The following DNAJC5G variants were observed in gnomAD, a reference collection of about 807,000 sequenced individuals.
The protein encoded by DNAJC5G is DnaJ heat shock protein family (Hsp40) member C5 gamma.
Under a neutral mutation model 19.1 loss-of-function variants are expected in DNAJC5G, and 13 were observed. That is an observed-to-expected ratio of 0.68 (90% CI 0.44 to 1.08). The LOEUF (loss-of-function observed/expected upper bound fraction) is 1.08. Among genes scored for constraint, DNAJC5G ranks in the 50% least tolerant of loss-of-function variants. The pLI, the probability that DNAJC5G is intolerant of heterozygous loss-of-function variation, is 0.00. For synonymous variants in DNAJC5G, 81 were observed against 84.4 expected (o/e 0.96, Z 0.22); for missense variants, 245 against 230.4 (o/e 1.06, Z -0.41).
At position 27,276,717 on chromosome 2, in the gene DNAJC5G, C is replaced by T; in HGVS notation, c.-3-9C>T. The T allele has an allele frequency of 6.2e-7, 1 of 1,611,810 alleles. No individual in the cohort carries two copies. The highest frequency in any genetic ancestry group is 1.3e-5 in the African/African-American group (1 of 74,896). On this transcript the variant is annotated splice_polypyrimidine_tract_variant and intron_variant, in intron 2 of 6. Coordinates refer to ENST00000296097, the MANE Select transcript of DNAJC5G (RefSeq NM_173650.3). Reference sequence around the variant, plus strand: ...AGTTCTCACAGATGCTGCTTCTCCTCTGGCTCAGATCATGTCTACTGTGAA... The same window carrying T: ...AGTTCTCACAGATGCTGCTTCTCCTTTGGCTCAGATCATGTCTACTGTGAA...
In DNAJC5G at chr2:27,277,825, C is replaced by T; in HGVS notation, c.185C>T (p.Pro62Leu). ...LGRKLALRYH[P>L]DKNPGNAQAA... ...AGGAAACTGGCCTTGCGGTATCATC[C>T]CGACAAGAATCCAGGGAATGCTCAA... Residue 62 changes from proline to leucine, a missense_variant, in exon 4 of 7, where the codon CCC (proline) becomes CTC (leucine). Coordinates refer to ENST00000296097, the MANE Select transcript of DNAJC5G (RefSeq NM_173650.3). 1.2e-6 allele frequency: 2 copies of T among 1,614,158 alleles called. No homozygotes were observed. The highest frequency in any genetic ancestry group is 1.7e-6 in the Non-Finnish European group (2 of 1,180,030).
In DNAJC5G at chr2:27,276,714, C is replaced by T. The variant is rs770823287; in HGVS notation, c.-3-12C>T. 5 of 1,610,948 alleles carry T rather than the reference C, an allele frequency of 3.1e-6. No individual in the cohort carries two copies. The highest frequency in any genetic ancestry group is 2.2e-5 in the East Asian group (1 of 44,862). On this transcript the variant is annotated splice_polypyrimidine_tract_variant and intron_variant, in intron 2 of 6. Coordinates refer to ENST00000296097, the MANE Select transcript of DNAJC5G (RefSeq NM_173650.3). ...AGAAGTTCTCACAGATGCTGCTTCT[C>T]CTCTGGCTCAGATCATGTCTACTGT... is the stretch of plus-strand genomic sequence containing the variant.
Position 27,276,910 on chromosome 2 carries a change from T to C in DNAJC5G, c.113+69T>C. On this transcript the variant is annotated intron_variant, in intron 3 of 6. Coordinates refer to ENST00000296097, the MANE Select transcript of DNAJC5G (RefSeq NM_173650.3). ...AAACCTTTTTCTTTCTGTATCTCTT[T>C]TGCTATCTGACTCTTTTTTTTTTTT... is the stretch of plus-strand genomic sequence containing the variant. 4 of 1,280,856 alleles carry C rather than the reference T, an allele frequency of 3.1e-6. No individual in the cohort carries two copies. The South Asian group carries it at 5.7e-5, about 18-fold the overall frequency. The allele number at this position is 1,280,856 out of a possible 1,614,324, so 79.3% of individuals were successfully genotyped here.
chr2:27,277,539 G>A (rs188126002), intron 3 of DNAJC5G, among the ~76,000 whole-genome samples: 59 of 152,320 alleles, frequency 3.9e-4, no homozygotes, highest in Middle Eastern at 3.4e-3. Context: ...TGGGATTACA[G>A]GTGTGAGCCA....
At chr2:27,280,278 A>C in intron 6 of DNAJC5G, 45 bp downstream of exon 6, 1 of 1,525,128 alleles carries the variant, frequency 6.6e-7, no homozygotes, top group South Asian at 1.1e-5. Flanking sequence ...TAAGAAAAGC[A>C]TGTAAGCTAA....
intron 6 of DNAJC5G, 80 bp downstream of exon 6, chr2:27,280,313 G>A (rs991072216): frequency 2.1e-5 from 25 of 1,199,334 alleles, no homozygotes; most frequent in Admixed American, 1.9e-4. Context: ...TTAGTAGAAA[G>A]TTTACATCCT....
chr2:27,280,122 A>C (rs1470258613), intron 5 of DNAJC5G, 44 bp from the exon 6 acceptor site: 1 of 1,587,212 alleles, frequency 6.3e-7, no homozygotes, highest in African/African-American at 1.3e-5. Flanking sequence ...ACGAAAAGTT[A>C]CTAAACGTTT....
At chr2:27,279,242 G>A (rs1187658991) in intron 5 of DNAJC5G, among the ~76,000 whole-genome samples, 1 of 152,076 alleles carries the variant, frequency 6.6e-6, no homozygotes, top group African/African-American at 2.4e-5. Context: ...TGTCTAGAGA[G>A]GACAGTTAGG....
At chr2:27,276,909 T>C in intron 3 of DNAJC5G, 68 bp downstream of exon 3, 1 of 1,298,176 alleles carries the variant, frequency 7.7e-7, no homozygotes, top group Non-Finnish European at 1.1e-6. Flanking sequence ...CTGTATCTCT[T>C]TTGCTATCTG....
chr2:27,278,307 T>C lies in DNAJC5G; in HGVS notation c.495T>C (p.Asn165=), dbSNP rs1212170271. The change falls in exon 5 of 7, where the codon AAT becomes AAC. Residue 165 remains asparagine (N), a synonymous_variant. Transcript: ENST00000296097. ...ATAGTGGGAGAAAATATCAGCAGAA[T>C]GTCCAGAGTCAGCCTCCAAGGTCAG... ...EQDSGRKYQQ[N]VQSQPPRSGA... 1.2e-6 allele frequency: 2 copies of C among 1,614,154 alleles called. No individual in the cohort carries two copies. Among genetic ancestry groups the C allele is most frequent in the Admixed American group, 3.3e-5 (2 of 60,014 alleles).
intron 3 of DNAJC5G, 77 bp from the exon 4 acceptor site, chr2:27,277,677 T>C: frequency 6.4e-7 from 1 of 1,565,972 alleles, no homozygotes; most frequent in South Asian, 1.2e-5. Context: ...CTCCATCCTT[T>C]GTACCACATC....
intron 3 of DNAJC5G, among the ~76,000 whole-genome samples, chr2:27,277,418 A>G (rs1294521315): frequency 6.6e-6 from 1 of 150,686 alleles, no homozygotes; most frequent in Non-Finnish European, 1.5e-5. Context: ...GCCTGCCACT[A>G]TGCCCAGCTA....
intron 5 of DNAJC5G, 142 bp from the exon 6 acceptor site, chr2:27,280,024 C>CT: frequency 2.9e-6 from 2 of 701,128 alleles, no homozygotes; most frequent in Non-Finnish European, 4.9e-6. Context: ...CCCAAATGAA[C>CT]TTTTATAAGC....
chr2:27,277,042 A>G (rs866765135), intron 3 of DNAJC5G, among the ~76,000 whole-genome samples: 13 of 151,740 alleles, frequency 8.6e-5, no homozygotes, highest in African/African-American at 2.4e-4. Flanking sequence ...CCCAGGTTCA[A>G]GCAATTCTCT....
Position 27,277,911 on chromosome 2 carries a change from C to T in DNAJC5G, c.271C>T (p.Arg91Trp), listed in dbSNP as rs770624109. The change falls in exon 4 of 7, where the codon CGG becomes TGG. Residue 91 changes from arginine (R) to tryptophan (W), a missense_variant. Transcript: ENST00000296097. ...TGCCATACTGAGCGACTCTAAGAAG[C>T]GGAAAATTTACGACCAGCATGGCTC... ...AHAILSDSKK[R>W]KIYDQHGSLG... 34 of 1,614,142 alleles carry T rather than the reference C, an allele frequency of 2.1e-5. No individual in the cohort carries two copies. The highest frequency in any genetic ancestry group is 4.4e-5 in the South Asian group (4 of 91,068).
intron 3 of DNAJC5G, among the ~76,000 whole-genome samples, chr2:27,277,123 G>A (rs904620910): frequency 2.0e-5 from 3 of 152,152 alleles, no homozygotes; most frequent in Non-Finnish European, 2.9e-5. Flanking sequence ...TGTATTTTTA[G>A]TAGAGACAGG....
Position 27,280,211 on chromosome 2 carries a change from T to C in DNAJC5G, c.566T>C (p.Phe189Ser). Residue 189 changes from phenylalanine to serine, a missense_variant, in exon 6 of 7, where the codon TTT becomes TCT. Coordinates refer to ENST00000296097, the MANE Select transcript of DNAJC5G (RefSeq NM_173650.3). ...AGCGAGGAAAATAGCGAAGATGATT[T>C]TTAAGAGATGAAGAAGGATGAGGTA... ...FRSEENSEDD[F>S] 1 of 1,614,066 alleles carries C rather than the reference T, an allele frequency of 6.2e-7. No individual in the cohort carries two copies. The highest frequency in any genetic ancestry group is 8.5e-7 in the Non-Finnish European group (1 of 1,179,976).
At position 27,275,449 on chromosome 2, in the gene DNAJC5G, T is replaced by C. The variant is rs982710084; in HGVS notation, c.-390T>C. The C allele has an allele frequency of 1.4e-5, 5 of 352,250 alleles. No homozygotes were observed. The highest frequency in any genetic ancestry group is 4.3e-5 in the African/African-American group (2 of 46,712). 21.8% of individuals were successfully genotyped at this position (352,250 alleles called of 1,614,324 possible). A position where few individuals can be genotyped will look rare whatever the true frequency, so the allele number is the denominator to read the frequency against. ...AAACGACCTGCCCAGACCCTCAGCGTCGACGCTGCGCACAAGCGCAGTCAA... is the reference window on the plus strand; with the variant it reads ...AAACGACCTGCCCAGACCCTCAGCGCCGACGCTGCGCACAAGCGCAGTCAA... On this transcript the variant is annotated 5_prime_UTR_variant, in exon 1 of 7. Coordinates refer to ENST00000296097, the MANE Select transcript of DNAJC5G (RefSeq NM_173650.3).
At chr2:27,275,976 G>A (rs72817538) in intron 1 of DNAJC5G, 130 bp from the exon 2 acceptor site, 10,240 of 151,468 alleles carry the variant, frequency 0.068, 413 homozygotes, top group Non-Finnish European at 0.098. Context: ...GCTGTGGATC[G>A]GCGAGGCTCA....
Sources: gnomAD v4.1 joint callset for allele counts (sites outside exome capture counted in the v4.1 genomes callset) on GRCh38, gnomAD v4.1.1 for gene constraint, MANE v1.5 for transcripts, NCBI Gene and HGNC (gene_info 2026-07-23, HGNC 2026-07-21) for gene names.